The following MAGI2 variants were observed in gnomAD, a reference collection of about 807,000 sequenced individuals.
MAGI2 encodes the protein membrane associated guanylate kinase, WW and PDZ domain containing 2.
Under a neutral mutation model 133.3 loss-of-function variants are expected in MAGI2, and 35 were observed. That is an observed-to-expected ratio of 0.26 (90% CI 0.20 to 0.35). The LOEUF is 0.35. MAGI2 is among the 10% of genes least tolerant of loss of function. MAGI2 has a pLI of 1.00. For synonymous variants in MAGI2, 729 were observed against 710.6 expected, an observed-to-expected ratio of 1.03 and a Z score of -0.41; for missense variants, 1,636 against 1,863.4, an observed-to-expected ratio of 0.88 and a Z score of 2.25.
intron 2 of MAGI2, among the ~76,000 whole-genome samples, chr7:78,951,037 T>G (rs1425308752): frequency 1.3e-5 from 2 of 149,650 alleles, no homozygotes; most frequent in Non-Finnish European, 3.0e-5. Flanking sequence ...AGTGGTGCGA[T>G]CTCAGCTAAC....
chr7:78,730,370 A>G (rs1821250345), intron 2 of MAGI2, among the ~76,000 whole-genome samples: 2 of 151,044 alleles, frequency 1.3e-5, no homozygotes, highest in Admixed American at 6.6e-5. Context: ...AAAATGCTCA[A>G]TGGGCCCTAA....
chr7:78,303,879 C>T (rs1231587898), intron 9 of MAGI2, among the ~76,000 whole-genome samples: 1 of 152,116 alleles, frequency 6.6e-6, no homozygotes, highest in African/African-American at 2.4e-5. Context: ...ATCTCGCTGC[C>T]TACTCACTAT....
At chr7:78,267,393 G>T (rs974048262) in intron 9 of MAGI2, among the ~76,000 whole-genome samples, 11 of 152,174 alleles carry the variant, frequency 7.2e-5, no homozygotes, top group African/African-American at 2.2e-4. Context: ...CTTCTAACTT[G>T]TTAAAAGGGA....
At chr7:78,548,909 T>A (rs1799100013) in intron 3 of MAGI2, among the ~76,000 whole-genome samples, 1 of 152,220 alleles carries the variant, frequency 6.6e-6, no homozygotes, top group Non-Finnish European at 1.5e-5. Flanking sequence ...ATGGTTGAAT[T>A]TGCAAGATGA....
chr7:79,055,690 G>T (rs560610053), intron 1 of MAGI2, among the ~76,000 whole-genome samples: 2 of 152,174 alleles, frequency 1.3e-5, no homozygotes, highest in East Asian at 1.9e-4. Context: ...TAATTTAAAA[G>T]AAACTTTCAA....
At chr7:78,452,412 A>G (rs1237015773) in intron 6 of MAGI2, among the ~76,000 whole-genome samples, 1 of 152,102 alleles carries the variant, frequency 6.6e-6, no homozygotes, top group Non-Finnish European at 1.5e-5. Flanking sequence ...ACAGGCTATT[A>G]TTAATAGCAC....
At chr7:78,243,286 CTT>C (rs1316416476) in intron 10 of MAGI2, among the ~76,000 whole-genome samples, 18 of 141,084 alleles carry the variant, frequency 1.3e-4, no homozygotes, top group African/African-American at 4.5e-4. Flanking sequence ...CTCTCTCTCT[CTT>C]ATAAAACAAA....
intron 2 of MAGI2, among the ~76,000 whole-genome samples, chr7:78,764,698 T>C (rs147984520): frequency 1.6e-4 from 25 of 152,330 alleles, no homozygotes; most frequent in African/African-American, 5.5e-4. Flanking sequence ...CAAATACAGT[T>C]CTTGATCATA....
chr7:79,232,305 C>T (rs1172342016), intron 1 of MAGI2, among the ~76,000 whole-genome samples: 9 of 145,590 alleles, frequency 6.2e-5, no homozygotes, highest in Non-Finnish European at 1.1e-4. Context: ...ATGCTGGCCT[C>T]ATAAAATGAG....
intron 20 of MAGI2, among the ~76,000 whole-genome samples, chr7:78,117,533 T>C (rs572181431): frequency 1.3e-5 from 2 of 152,210 alleles, no homozygotes; most frequent in African/African-American, 2.4e-5. Context: ...ATCTTTAATC[T>C]GTTGAAGGTT....
chr7:78,387,796 C>T (rs972964220), intron 6 of MAGI2, among the ~76,000 whole-genome samples: 11 of 151,972 alleles, frequency 7.2e-5, no homozygotes, highest in African/African-American at 1.4e-4. Context: ...TGTGATGGCA[C>T]GCGCCTGTAG....
chr7:79,058,654 C>T (rs1813397205), intron 1 of MAGI2, among the ~76,000 whole-genome samples: 1 of 151,938 alleles, frequency 6.6e-6, no homozygotes, highest in Non-Finnish European at 1.5e-5. Context: ...ACACTTTCTG[C>T]AAGGAACAGA....
chr7:78,947,599 T>C (rs957363509), intron 2 of MAGI2, among the ~76,000 whole-genome samples: 4 of 152,116 alleles, frequency 2.6e-5, no homozygotes, highest in African/African-American at 9.7e-5. Flanking sequence ...TAGAAATAGA[T>C]ATTAGTTACG....
chr7:78,040,099 G>T (rs905602705), intron 21 of MAGI2, among the ~76,000 whole-genome samples: 2 of 147,828 alleles, frequency 1.4e-5, no homozygotes, highest in African/African-American at 5.2e-5. Flanking sequence ...GAACAAGGAA[G>T]ACATTATTAG....
At chr7:78,518,632 TATA>T (rs1796239083) in intron 4 of MAGI2, 1 of 152,260 alleles carries the variant, frequency 6.6e-6, no homozygotes, top group Non-Finnish European at 1.5e-5. Flanking sequence ...CCTCATTGAT[TATA>T]ATATTTATGC....
intron 1 of MAGI2, among the ~76,000 whole-genome samples, chr7:79,333,302 A>G (rs997471198): frequency 1.3e-5 from 2 of 151,850 alleles, no homozygotes; most frequent in Non-Finnish European, 2.9e-5. Flanking sequence ...TAATTTTTGT[A>G]TTTTTAGTAC....
chr7:78,639,651 G>T (rs753254324), intron 2 of MAGI2, among the ~76,000 whole-genome samples: 1 of 152,062 alleles, frequency 6.6e-6, no homozygotes, highest in African/African-American at 2.4e-5. Flanking sequence ...CAGAATTGGG[G>T]ATATTATAAC....
chr7:79,240,329 C>T (rs980409637), intron 1 of MAGI2, among the ~76,000 whole-genome samples: 2 of 115,752 alleles, frequency 1.7e-5, no homozygotes, highest in African/African-American at 3.3e-5. Context: ...ATGAAAGGAA[C>T]ATAGGAGAAA....
At position 78,897,847 on chromosome 7, in the gene MAGI2, T is replaced by C. The variant is rs78941654; in HGVS notation, c.418+109243A>G. Among the ~76,000 whole-genome samples the C allele has an allele frequency of 5.3e-5, 8 of 152,316 alleles. No individual in the cohort carries two copies. The South Asian group carries it at 1.4e-3, about 28-fold the overall frequency. ...AAGCAATCACAATGAAAACAAAAAT[T>C]GACAAACGAGATCTAATTAAACTTA... On this transcript the variant is annotated intron_variant, in intron 2 of 21. Transcript: ENST00000354212.
Sources: allele counts gnomAD v4.1 joint callset (sites outside exome capture counted in the v4.1 genomes callset), GRCh38; gene constraint gnomAD v4.1.1; transcripts MANE v1.5; gene names NCBI Gene and HGNC (gene_info 2026-07-23, HGNC 2026-07-21).